Variants in BTBD16 observed in about 807,000 individuals in gnomAD.
BTBD16 encodes the protein BTB domain containing 16, also known as BTB/POZ domain-containing protein 16.
BTBD16 carries 66 observed loss-of-function variants against 67.4 expected under a neutral mutation model. The observed-to-expected ratio is 0.98, with a 90% CI of 0.80 to 1.20. BTBD16 has a LOEUF of 1.20. BTBD16 is among the 50% of genes most tolerant of loss of function. BTBD16 has a pLI of 0.00. For missense variants in BTBD16, 634 were observed against 616.0 expected, an observed-to-expected ratio of 1.03 and a Z score of -0.31; for synonymous variants, 242 against 236.4, an observed-to-expected ratio of 1.02 and a Z score of -0.22.
chr10:122,310,618 G>A (rs1430557047), intron 10 of BTBD16, among the ~76,000 whole-genome samples: 1 of 152,196 alleles, frequency 6.6e-6, no homozygotes, highest in Non-Finnish European at 1.5e-5. Flanking sequence ...ATTTCAAAGT[G>A]AGACAGAGGA....
rs142846734 is a variant in BTBD16 at position 122,284,608 on chromosome 10, G to C, written c.241+684G>C. On this transcript the variant is annotated intron_variant, in intron 4 of 15. Coordinates refer to ENST00000260723, the MANE Select transcript of BTBD16 (RefSeq NM_144587.5). ...TTTCTGAGGCAGGATCAAGAATCAG[G>C]ATAGGTCCTTTTTTGCTAGAAAAAG... Among the ~76,000 whole-genome samples, 458 of 151,910 alleles carry C rather than the reference G, an allele frequency of 3.0e-3. 1 individual carries two copies. Among genetic ancestry groups the C allele is most frequent in the East Asian group, 0.022 (113 of 5,172 alleles).
chr10:122,283,068 G>A (rs553111493), intron 3 of BTBD16, among the ~76,000 whole-genome samples: 14 of 152,340 alleles, frequency 9.2e-5, no homozygotes, highest in Admixed American at 2.0e-4. Flanking sequence ...CTGGTTAGCC[G>A]TGCTAAGGAG....
At position 122,338,040 on chromosome 10, in the gene BTBD16, C is replaced by T; in HGVS notation, c.1476C>T (p.Gly492=). The change falls in exon 16 of 16, where the codon GGC becomes GGT. Residue 492 remains glycine (G), a synonymous_variant. Transcript: ENST00000260723. ...KSHTLKIQTV[G]IPIYVSFAFI... ...AGACCTTGAAAATCCAAACTGTGGG[C>T]ATCCCAATCTATGTAAGTTTTGCAT... is the stretch of plus-strand genomic sequence containing the variant. The T allele has an allele frequency of 6.2e-7, 1 of 1,612,416 alleles. No individual in the cohort carries two copies. Among genetic ancestry groups the T allele is most frequent in the Non-Finnish European group, 8.5e-7 (1 of 1,178,608 alleles).
chr10:122,291,559 A>T (rs578083983), intron 7 of BTBD16: 1 of 172,390 alleles, frequency 5.8e-6, no homozygotes, highest in East Asian at 1.6e-4. Flanking sequence ...AAAGAAAAAA[A>T]AAATCTCTCT....
intron 6 of BTBD16, among the ~76,000 whole-genome samples, 177 bp downstream of exon 6, chr10:122,290,175 T>C (rs1486119321): frequency 6.6e-6 from 1 of 152,128 alleles, no homozygotes; most frequent in Non-Finnish European, 1.5e-5. Flanking sequence ...CTAGGGTGAC[T>C]TGGGGAAATG....
intron 9 of BTBD16, 41 bp from the exon 10 acceptor site, chr10:122,307,148 C>T (rs763715744): frequency 2.7e-5 from 42 of 1,565,480 alleles, no homozygotes; most frequent in Non-Finnish European, 3.5e-5. Context: ...TGATTTTGTG[C>T]TATTTCTGAA....
intron 11 of BTBD16, among the ~76,000 whole-genome samples, chr10:122,329,928 A>G (rs918234469): frequency 1.3e-5 from 2 of 151,926 alleles, no homozygotes; most frequent in Admixed American, 6.6e-5. Context: ...TTGGGAGAAA[A>G]CTCTGAATTT....
At chr10:122,280,918 G>A (rs569471086) in intron 3 of BTBD16, among the ~76,000 whole-genome samples, 148 of 152,044 alleles carry the variant, frequency 9.7e-4, no homozygotes, top group African/African-American at 3.5e-3. Context: ...TGATCCTCCC[G>A]CTTCAGCCTC....
chr10:122,310,793 A>T (rs2142099015), intron 10 of BTBD16, among the ~76,000 whole-genome samples: 1 of 152,312 alleles, frequency 6.6e-6, no homozygotes, highest in South Asian at 2.1e-4. Flanking sequence ...GGGAACTGAC[A>T]AGTTGGAACT....
chr10:122,273,225 T>G (rs1007714047), intron 1 of BTBD16, among the ~76,000 whole-genome samples: 3 of 80,672 alleles, frequency 3.7e-5, no homozygotes, highest in South Asian at 3.9e-4. Context: ...CACAAAGATA[T>G]ATATATATAT....
intron 3 of BTBD16, 111 bp from the exon 4 acceptor site, chr10:122,283,740 A>C: frequency 1.2e-6 from 1 of 808,432 alleles, no homozygotes; most frequent in Non-Finnish European, 2.1e-6. Flanking sequence ...AGATATGATT[A>C]GCTTGATCAA....
intron 10 of BTBD16, among the ~76,000 whole-genome samples, chr10:122,317,138 T>C (rs912708607): frequency 2.0e-5 from 3 of 152,204 alleles, no homozygotes; most frequent in Non-Finnish European, 4.4e-5. Context: ...TCAAATGTTC[T>C]TTCTTCAATA....
At chr10:122,290,512 G>A (rs952526293) in intron 6 of BTBD16, among the ~76,000 whole-genome samples, 2 of 152,136 alleles carry the variant, frequency 1.3e-5, no homozygotes, top group Admixed American at 6.5e-5. Flanking sequence ...TTTAGGAATC[G>A]CTCGGTGAGG....
intron 6 of BTBD16, 62 bp from the exon 7 acceptor site, chr10:122,291,018 G>T (rs555691014): frequency 2.7e-6 from 4 of 1,479,684 alleles, no homozygotes; most frequent in Non-Finnish European, 3.6e-6. Context: ...GAGGGAGGGC[G>T]CTGGGTGGTG....
rs774761264 is a variant in BTBD16, at chr10:122,299,141, G to A, written c.791+7G>A. 9.9e-6 allele frequency: 16 copies of A among 1,613,226 alleles called. No individual in the cohort carries two copies. The Admixed American group carries it at 1.5e-4, about 15-fold the overall frequency. On this transcript the variant is annotated splice_region_variant and intron_variant, in intron 9 of 15. Coordinates refer to ENST00000260723, the MANE Select transcript of BTBD16 (RefSeq NM_144587.5). ...AAGTGCTGAAGTCCCCCAGGTCAGA[G>A]CTGGCTCCCAGGGTGCGGCCCCTGA...
intron 1 of BTBD16, among the ~76,000 whole-genome samples, chr10:122,272,371 C>T (rs972303420): frequency 6.6e-6 from 1 of 152,104 alleles, no homozygotes; most frequent in African/African-American, 2.4e-5. Flanking sequence ...GACAGAGTTT[C>T]GCTCTTGTTT....
intron 10 of BTBD16, chr10:122,327,640 T>A (rs2096447565): frequency 1.0e-6 from 1 of 985,218 alleles, no homozygotes; most frequent in African/African-American, 1.7e-5. Flanking sequence ...AAAGTGGGCA[T>A]CATTGCCACT....
chr10:122,324,107 G>A (rs2096440148), intron 10 of BTBD16, among the ~76,000 whole-genome samples: 1 of 152,146 alleles, frequency 6.6e-6, no homozygotes, highest in South Asian at 2.1e-4. Flanking sequence ...CTTCTTTCCT[G>A]TGCCCTACCC....
At chr10:122,279,511 A>AACACACACAC (rs143637448) in intron 3 of BTBD16, among the ~76,000 whole-genome samples, 19,811 of 143,812 alleles carry the variant, frequency 0.14, 1,623 homozygotes, top group Non-Finnish European at 0.18. Context: ...GAGAAAGAGA[A>AACACACACAC]ACACACACAC....
Sources: allele counts gnomAD v4.1 joint callset (sites outside exome capture counted in the v4.1 genomes callset), GRCh38; gene constraint gnomAD v4.1.1; transcripts MANE v1.5; gene names NCBI Gene and HGNC (gene_info 2026-07-23, HGNC 2026-07-21).